Variants in TMEM230 observed in about 807,000 individuals in gnomAD.
TMEM230 encodes the protein UPF0414 transmembrane protein C20orf30.
TMEM230 carries 10 observed loss-of-function variants against 15.8 expected under a neutral mutation model. The ratio of observed to expected loss-of-function variants is 0.63; its 90% CI spans 0.39 to 1.07. The LOEUF is 1.07. TMEM230 is among the 50% of genes least tolerant of loss of function. The pLI is 0.01. For synonymous variants in TMEM230, 67 were observed against 76.9 expected, an observed-to-expected ratio of 0.87 and a Z score of 0.68; for missense variants, 165 against 193.3, an observed-to-expected ratio of 0.85 and a Z score of 0.87.
At chr20:5,084,174 T>C (rs2089263378) in intron 3 of TMEM230, among the ~76,000 whole-genome samples, 1 of 152,146 alleles carries the variant, frequency 6.6e-6, no homozygotes, top group Non-Finnish European at 1.5e-5. Flanking sequence ...ATCTGTGTTG[T>C]TGCAAAGAAC....
chr20:5,104,415 G>C (rs1056264844), intron 4 of TMEM230, among the ~76,000 whole-genome samples: 1 of 152,204 alleles, frequency 6.6e-6, no homozygotes, highest in Non-Finnish European at 1.5e-5. Flanking sequence ...AGGACGTGGA[G>C]AAAAGGGAAC....
At chr20:5,082,922 G>GTTTTTTTTTTT (rs140284230) in intron 3 of TMEM230, among the ~76,000 whole-genome samples, 1 of 127,254 alleles carries the variant, frequency 7.9e-6, no homozygotes. Flanking sequence ...TCTTCATATT[G>GTTTTTTTTTTT]TTTTTTTTTT....
chr20:5,061,619 A>G, the TMEM230 span, among the ~76,000 whole-genome samples: 1 of 152,172 alleles, frequency 6.6e-6, no homozygotes, highest in Non-Finnish European at 1.5e-5. Context: ...GCGCTTATCT[A>G]TGCATTGTAT....
At chr20:5,081,030 G>A (rs1486283600) in intron 3 of TMEM230, among the ~76,000 whole-genome samples, 2 of 152,230 alleles carry the variant, frequency 1.3e-5, no homozygotes, top group African/African-American at 4.8e-5. Flanking sequence ...CCAAGTGCAT[G>A]ATTGGCAGAC....
At position 5,082,152 on chromosome 20, in the gene TMEM230, G is replaced by A. The variant is rs534840664; in HGVS notation, c.223-12803C>T. On this transcript the variant is annotated intron_variant, in intron 3 of 3. Coordinates refer to the TMEM230 transcript ENST00000612323. ...TCCACCTGCCTCGGCCTCCCAAAGT[G>A]CTGGGAGCCACCACGCCCAGCCATT... is the stretch of plus-strand genomic sequence containing the variant. Among the ~76,000 whole-genome samples the A allele has an allele frequency of 2.0e-5, 3 of 151,858 alleles. No homozygotes were observed. The East Asian group carries it at 5.8e-4, about 30-fold the overall frequency.
At chr20:5,086,717 T>G (rs1600317100) in intron 3 of TMEM230, among the ~76,000 whole-genome samples, 1 of 140,850 alleles carries the variant, frequency 7.1e-6, no homozygotes, top group Admixed American at 7.3e-5. Flanking sequence ...TTTTTTTTTT[T>G]GAGGTAGGGT....
chr20:5,080,372 C>T (rs6084987), intron 3 of TMEM230, among the ~76,000 whole-genome samples: 66,468 of 151,584 alleles, frequency 0.44, 16,909 homozygotes, highest in East Asian at 0.84. Context: ...CTTCTCATTT[C>T]TACAGCAAGA....
At chr20:5,111,976 G>A (rs894508623) in intron 1 of TMEM230, among the ~76,000 whole-genome samples, 6 of 152,030 alleles carry the variant, frequency 3.9e-5, no homozygotes, top group African/African-American at 1.2e-4. Context: ...CCTCCCAAGT[G>A]GCTGGGACTA....
At chr20:5,084,637 C>A (rs1019193614) in intron 3 of TMEM230, among the ~76,000 whole-genome samples, 1 of 152,004 alleles carries the variant, frequency 6.6e-6, no homozygotes, top group African/African-American at 2.4e-5. Flanking sequence ...TGGGTTCAAG[C>A]GATTCTCTCC....
At chr20:5,109,511 G>T in intron 2 of TMEM230, 66 bp from the exon 2 acceptor site, 1 of 1,256,030 alleles carries the variant, frequency 8.0e-7, no homozygotes, top group Non-Finnish European at 1.1e-6. Flanking sequence ...TAGCCAATGA[G>T]TTCAGGATTA....
downstream of TMEM230, among the ~76,000 whole-genome samples, chr20:5,099,215 TAAATAA>T (rs1424367644): frequency 2.3e-5 from 2 of 88,194 alleles, no homozygotes; most frequent in Non-Finnish European, 4.3e-5. Flanking sequence ...AATAAATAAA[TAAATAA>T]ATAAATAAAT....
intron 3 of TMEM230, among the ~76,000 whole-genome samples, chr20:5,090,846 G>A (rs1170526014): frequency 6.6e-6 from 1 of 152,058 alleles, no homozygotes; most frequent in African/African-American, 2.4e-5. Context: ...CAATTGATAA[G>A]GCCTAATACT....
At chr20:5,069,220 C>T in exon 4 of TMEM230, 1 of 1,535,732 alleles carries the variant, frequency 6.5e-7, no homozygotes, top group East Asian at 2.4e-5. Context: ...GTTCCTCTTC[C>T]TTCTGGAAGC....
downstream of TMEM230, among the ~76,000 whole-genome samples, chr20:5,099,242 ATCAAT>A (rs1276506836): frequency 4.8e-5 from 2 of 41,348 alleles, no homozygotes; most frequent in Admixed American, 6.4e-4. Flanking sequence ...AAATCAATCA[ATCAAT>A]AATAAATAAA....
At chr20:5,066,150 G>A (rs2088650394), downstream of TMEM230, 1 of 152,242 alleles carries the variant, frequency 6.6e-6, no homozygotes, top group African/African-American at 2.4e-5. Flanking sequence ...ATGCATCATT[G>A]CCACCCTGGC....
intron 3 of TMEM230, among the ~76,000 whole-genome samples, chr20:5,094,771 C>A (rs1479462986): frequency 6.7e-6 from 1 of 149,282 alleles, no homozygotes; most frequent in Non-Finnish European, 1.5e-5. Flanking sequence ...CTCTTGGCCT[C>A]AAGGGATCCT....
At chr20:5,088,435 C>T (rs932349957) in intron 3 of TMEM230, among the ~76,000 whole-genome samples, 2 of 152,032 alleles carry the variant, frequency 1.3e-5, no homozygotes, top group African/African-American at 4.8e-5. Context: ...TTCGTGTCTC[C>T]TAACTCAGCT....
chr20:5,066,670 C>CAAAAA (rs71332869), downstream of TMEM230, among the ~76,000 whole-genome samples: 1 of 90,800 alleles, frequency 1.1e-5, no homozygotes, highest in Non-Finnish European at 2.3e-5. Flanking sequence ...GACTCTGTCT[C>CAAAAA]AAAAAAAAAA....
intron 3 of TMEM230, among the ~76,000 whole-genome samples, chr20:5,071,407 C>A (rs776872876): frequency 3.3e-5 from 5 of 151,846 alleles, no homozygotes; most frequent in Non-Finnish European, 7.4e-5. Context: ...GGCAGATCAC[C>A]TCAGGTCAGG....
Sources: allele counts gnomAD v4.1 joint callset (sites outside exome capture counted in the v4.1 genomes callset), GRCh38; gene constraint gnomAD v4.1.1; transcripts MANE v1.5; gene names NCBI Gene and HGNC (gene_info 2026-07-23, HGNC 2026-07-21).